The following OPCML variants were observed in gnomAD, a reference collection of about 807,000 sequenced individuals.
OPCML encodes opioid binding protein/cell adhesion molecule like, also known as opioid-binding protein/cell adhesion molecule.
In OPCML, 13 loss-of-function variants were observed where a neutral mutation model predicts 37.8. That is an observed-to-expected ratio of 0.34 (90% CI 0.22 to 0.55). OPCML has a LOEUF of 0.55. Among genes scored for constraint, OPCML ranks in the 20% least tolerant of loss-of-function variants. The pLI, the probability that OPCML is intolerant of heterozygous loss-of-function variation, is 0.91. For missense variants in OPCML, 341 were observed against 435.6 expected (o/e 0.78, Z 1.93); for synonymous variants, 176 against 168.8 (o/e 1.04, Z -0.33).
At chr11:132,870,239 A>T (rs1281417909) in intron 2 of OPCML, among the ~76,000 whole-genome samples, 1 of 152,206 alleles carries the variant, frequency 6.6e-6, no homozygotes, top group Non-Finnish European at 1.5e-5. Context: ...CGTTCTTTCC[A>T]ATAAATATGA....
At chr11:133,148,556 A>C (rs1949930199) in intron 1 of OPCML, among the ~76,000 whole-genome samples, 2 of 152,208 alleles carry the variant, frequency 1.3e-5, no homozygotes. Flanking sequence ...GGTAGACAGA[A>C]GAGAGGAGTG....
At chr11:132,498,429 C>T (rs2137108928) in intron 4 of OPCML, among the ~76,000 whole-genome samples, 1 of 152,296 alleles carries the variant, frequency 6.6e-6, no homozygotes, top group South Asian at 2.1e-4. Flanking sequence ...CAAGGAAACA[C>T]ACTGGTCACA....
chr11:132,861,561 G>A (rs531950676), intron 2 of OPCML, among the ~76,000 whole-genome samples: 52 of 152,058 alleles, frequency 3.4e-4, no homozygotes, highest in Non-Finnish European at 6.5e-4. Context: ...TTTTGGCTGG[G>A]CGCGGTGGCT....
At chr11:132,911,882 C>T (rs910329579) in intron 2 of OPCML, among the ~76,000 whole-genome samples, 1 of 152,138 alleles carries the variant, frequency 6.6e-6, no homozygotes. Flanking sequence ...TTGCTGTCAC[C>T]CAGGGACACA....
intron 2 of OPCML, among the ~76,000 whole-genome samples, chr11:132,814,594 C>G (rs1056372355): frequency 6.6e-6 from 1 of 152,192 alleles, no homozygotes; most frequent in South Asian, 2.1e-4. Flanking sequence ...AAAGGGCATT[C>G]TAGTTTAATG....
chr11:132,841,860 CAAAAAAAAAAAAAAAAAA>C (rs71067402), intron 2 of OPCML, among the ~76,000 whole-genome samples: 365 of 34,716 alleles, frequency 0.011, 7 homozygotes, highest in Middle Eastern at 0.045. Context: ...CACTCTATCT[CAAAAAAAAAAAAAAAAAA>C]AAAAAAAAAA....
At chr11:133,005,111 T>A in intron 1 of OPCML, 1 of 985,286 alleles carries the variant, frequency 1.0e-6, no homozygotes, top group Non-Finnish European at 1.2e-6. Flanking sequence ...AAGTTTAGAA[T>A]GAAATCCAAA....
At chr11:132,446,843 T>C (rs2096056649) in intron 4 of OPCML, among the ~76,000 whole-genome samples, 1 of 152,146 alleles carries the variant, frequency 6.6e-6, no homozygotes, top group African/African-American at 2.4e-5. Context: ...TTACAATGTC[T>C]AAAGAAAGTT....
At chr11:133,286,873 C>T (rs958539457) in intron 1 of OPCML, among the ~76,000 whole-genome samples, 3 of 152,204 alleles carry the variant, frequency 2.0e-5, no homozygotes, top group Non-Finnish European at 4.4e-5. Context: ...AGCACCTACC[C>T]TATCTGAGGC....
chr11:133,321,543 G>A (rs568699310), intron 1 of OPCML, among the ~76,000 whole-genome samples: 11 of 152,138 alleles, frequency 7.2e-5, no homozygotes, highest in African/African-American at 2.2e-4. Flanking sequence ...GTGGGATTTC[G>A]CCTTTGAGGG....
At chr11:132,727,061 G>T (rs764849742) in intron 2 of OPCML, among the ~76,000 whole-genome samples, 1 of 152,176 alleles carries the variant, frequency 6.6e-6, no homozygotes, top group Non-Finnish European at 1.5e-5. Context: ...GCACTACGCT[G>T]ATTGCTAACA....
chr11:132,906,567 A>G (rs1944248628), intron 2 of OPCML, among the ~76,000 whole-genome samples: 1 of 152,244 alleles, frequency 6.6e-6, no homozygotes, highest in Admixed American at 6.5e-5. Context: ...TTTACCATTC[A>G]GAATTTCTTC....
intron 1 of OPCML, among the ~76,000 whole-genome samples, chr11:132,944,715 C>A (rs535222343): frequency 6.6e-6 from 1 of 152,274 alleles, no homozygotes; most frequent in East Asian, 1.9e-4. Flanking sequence ...CCAGCCTCCC[C>A]CTTTCTTTGG....
intron 3 of OPCML, among the ~76,000 whole-genome samples, chr11:132,543,365 C>G (rs992168293): frequency 2.6e-5 from 4 of 151,844 alleles, no homozygotes; most frequent in African/African-American, 9.7e-5. Flanking sequence ...CACACACACA[C>G]AGCCAGGCAT....
intron 1 of OPCML, among the ~76,000 whole-genome samples, chr11:133,070,961 A>T (rs904308442): frequency 9.9e-5 from 15 of 152,214 alleles, no homozygotes; most frequent in African/African-American, 3.6e-4. Flanking sequence ...CCAGCAAGCC[A>T]GGCAAGGCCT....
chr11:133,345,529 C>T (rs976521279), intron 1 of OPCML, among the ~76,000 whole-genome samples: 1 of 152,216 alleles, frequency 6.6e-6, no homozygotes, highest in Non-Finnish European at 1.5e-5. Context: ...TCATTAAATG[C>T]TAGATTCCTG....
At chr11:133,336,129 A>G (rs773273149) in intron 1 of OPCML, among the ~76,000 whole-genome samples, 1 of 152,174 alleles carries the variant, frequency 6.6e-6, no homozygotes, top group Admixed American at 6.5e-5. Context: ...TGGCCAAGGT[A>G]CCCAATCAAA....
chr11:132,613,372 A>G (rs375003302), intron 3 of OPCML, among the ~76,000 whole-genome samples: 162 of 152,348 alleles, frequency 1.1e-3, no homozygotes, highest in African/African-American at 3.8e-3. Context: ...CAATTCAAGA[A>G]AACCTCAAAG....
chr11:133,269,119 T>A (rs1045268472), intron 1 of OPCML, among the ~76,000 whole-genome samples: 1 of 152,160 alleles, frequency 6.6e-6, no homozygotes, highest in African/African-American at 2.4e-5. Flanking sequence ...CTCTTCAAGT[T>A]CTTCAATTAG....
Sources: gnomAD v4.1 joint callset for allele counts (sites outside exome capture counted in the v4.1 genomes callset) on GRCh38, gnomAD v4.1.1 for gene constraint, MANE v1.5 for transcripts, NCBI Gene and HGNC (gene_info 2026-07-23, HGNC 2026-07-21) for gene names.